Variants in ANKRD30B observed in about 807,000 individuals in gnomAD.
ANKRD30B encodes the protein ankyrin repeat domain-containing protein 30B.
A neutral mutation model predicts 202.2 loss-of-function variants in ANKRD30B; 144 were observed. That is an observed-to-expected ratio of 0.71 (90% CI 0.62 to 0.82). The LOEUF (loss-of-function observed/expected upper bound fraction) is 0.82, where lower values mean the gene tolerates loss of function less well. ANKRD30B is among the 40% of genes least tolerant of loss of function. ANKRD30B has a pLI of 0.00. For missense variants in ANKRD30B, 1,487 were observed against 1,669.1 expected, an observed-to-expected ratio of 0.89 and a Z score of 1.90; for synonymous variants, 508 against 561.3, an observed-to-expected ratio of 0.91 and a Z score of 1.34.
intron 32 of ANKRD30B, among the ~76,000 whole-genome samples, chr18:14,828,008 T>G (rs1428144390): frequency 6.6e-6 from 1 of 152,232 alleles, no homozygotes; most frequent in Non-Finnish European, 1.5e-5. Flanking sequence ...ATCTGAGTCT[T>G]TGTAACAAAG....
chr18:14,829,322 A>G (rs1568055448), intron 33 of ANKRD30B, among the ~76,000 whole-genome samples: 1 of 152,210 alleles, frequency 6.6e-6, no homozygotes, highest in African/African-American at 2.4e-5. Context: ...TAAATATAAG[A>G]GGTAGCAGAA....
chr18:14,792,958 G>A (rs1968625476), intron 16 of ANKRD30B, among the ~76,000 whole-genome samples: 1 of 151,958 alleles, frequency 6.6e-6, no homozygotes, highest in Non-Finnish European at 1.5e-5. Flanking sequence ...GTTATTCATA[G>A]GTATTTTACT....
chr18:14,783,035 G>C (rs1348633480), intron 12 of ANKRD30B, among the ~76,000 whole-genome samples: 6 of 152,016 alleles, frequency 3.9e-5, no homozygotes, highest in Non-Finnish European at 8.8e-5. Context: ...ATGATCTTCT[G>C]GTCCCAAAAC....
intron 4 of ANKRD30B, among the ~76,000 whole-genome samples, chr18:14,755,865 C>T (rs375171819): frequency 1.7e-4 from 26 of 152,182 alleles, no homozygotes; most frequent in South Asian, 4.1e-4. Flanking sequence ...AATAAACATA[C>T]GTGTGCATGT....
chr18:14,809,673 AG>A (rs1969793301), intron 26 of ANKRD30B, among the ~76,000 whole-genome samples: 1 of 150,950 alleles, frequency 6.6e-6, no homozygotes, highest in African/African-American at 2.4e-5. Flanking sequence ...GGCTCTCTGC[AG>A]GGGGAAACAC....
At chr18:14,779,899 T>C (rs1967611271) in intron 10 of ANKRD30B, 61 bp from the exon 11 acceptor site, 2 of 1,191,340 alleles carry the variant, frequency 1.7e-6, no homozygotes, top group Non-Finnish European at 2.4e-6. Flanking sequence ...GATTTGTATA[T>C]GTTTTTAAAA....
In ANKRD30B at chr18:14,748,360, G is replaced by T; in HGVS notation, c.-60G>T. On this transcript the variant is annotated 5_prime_UTR_variant, in exon 1 of 44. Transcript: ENST00000690538. ...GGTAAGCGGGAAGCGAGGGCGAGGGGTAGGGGCTGGGGAAGGGCGAGCGGG... is the reference window on the plus strand; with the variant it reads ...GGTAAGCGGGAAGCGAGGGCGAGGGTTAGGGGCTGGGGAAGGGCGAGCGGG... The T allele has an allele frequency of 1.5e-6, 2 of 1,356,590 alleles. No individual in the cohort carries two copies. The highest frequency in any genetic ancestry group is 1.5e-5 in the African/African-American group (1 of 67,274). The allele number at this position is 1,356,590 out of a possible 1,614,324, so 84.0% of individuals were successfully genotyped here.
chr18:14,845,080 A>T (rs1971577219), intron 39 of ANKRD30B, among the ~76,000 whole-genome samples: 1 of 151,826 alleles, frequency 6.6e-6, no homozygotes, highest in African/African-American at 2.4e-5. Context: ...TGCTGTGCTG[A>T]AGCTCTTTAG....
the ANKRD30B span, among the ~76,000 whole-genome samples, chr18:14,878,128 C>T: frequency 3.3e-5 from 5 of 152,096 alleles, no homozygotes; most frequent in East Asian, 1.9e-4. Context: ...TCATCTTGAC[C>T]GAGATGCTCG....
chr18:14,825,801 G>A (rs1011309657), intron 32 of ANKRD30B, among the ~76,000 whole-genome samples: 5 of 152,152 alleles, frequency 3.3e-5, no homozygotes, highest in Admixed American at 6.5e-5. Context: ...ATTTCCAGTG[G>A]CAATGGAAAG....
chr18:14,930,354 G>A, the ANKRD30B span, among the ~76,000 whole-genome samples: 1 of 151,838 alleles, frequency 6.6e-6, no homozygotes, highest in Non-Finnish European at 1.5e-5. Flanking sequence ...CTGGGAGGAA[G>A]GTGGGTGGTG....
At chr18:14,808,447 C>A (rs772585663) in intron 24 of ANKRD30B, 104 bp from the exon 25 acceptor site, 2 of 1,227,436 alleles carry the variant, frequency 1.6e-6, no homozygotes. Flanking sequence ...AATCCCTTTT[C>A]AATCCAAGCA....
At chr18:14,795,417 GA>G (rs1211731571) in intron 16 of ANKRD30B, among the ~76,000 whole-genome samples, 4 of 152,144 alleles carry the variant, frequency 2.6e-5, no homozygotes, top group African/African-American at 9.7e-5. Flanking sequence ...GGCTGCTTTG[GA>G]ACTCCTGGCC....
chr18:14,905,552 A>C, the ANKRD30B span: 1 of 152,228 alleles, frequency 6.6e-6, no homozygotes, highest in African/African-American at 2.4e-5. Context: ...TATGTAGATG[A>C]AGCCTCTAGG....
the ANKRD30B span, among the ~76,000 whole-genome samples, chr18:14,879,465 C>T: frequency 3.3e-5 from 5 of 152,152 alleles, no homozygotes; most frequent in African/African-American, 4.8e-5. Flanking sequence ...CCGCAATCCC[C>T]TCGCTGCCGT....
At chr18:14,884,492 C>G in the ANKRD30B span, among the ~76,000 whole-genome samples, 1 of 151,870 alleles carries the variant, frequency 6.6e-6, no homozygotes, top group African/African-American at 2.4e-5. Context: ...CAATAGATAA[C>G]TACCACATGG....
chr18:14,894,394 CT>C, the ANKRD30B span, among the ~76,000 whole-genome samples: 1 of 152,096 alleles, frequency 6.6e-6, no homozygotes, highest in Non-Finnish European at 1.5e-5. Context: ...TTAAAAATTA[CT>C]TTTTAGTGTC....
chr18:14,789,643 A>T (rs1968329142), intron 15 of ANKRD30B, among the ~76,000 whole-genome samples: 1 of 152,234 alleles, frequency 6.6e-6, no homozygotes, highest in Non-Finnish European at 1.5e-5. Flanking sequence ...TTTATTAAAT[A>T]GGGAATCCTT....
rs1308694532 is a variant in ANKRD30B, at chr18:14,806,217, C to CA, written c.2285-2322dup. ...CCTGGGTGACAGGGCGAGACACCGC[C>CA]AAAAAAAAAAAAGAAAAAAAAAATC... On this transcript the variant is annotated intron_variant, in intron 24 of 43. Coordinates refer to ENST00000690538, the MANE Select transcript of ANKRD30B (RefSeq NM_001367607.2). 2.4e-3 allele frequency among the ~76,000 whole-genome samples: 209 copies of CA among 85,318 alleles called. 4 individuals are homozygous for CA. The highest frequency in any genetic ancestry group is 0.017 in the Middle Eastern group (3 of 174). The allele number at this position is 85,318 out of a possible 152,430, so 56.0% of individuals were successfully genotyped here.
Sources: allele counts gnomAD v4.1 joint callset (sites outside exome capture counted in the v4.1 genomes callset), GRCh38; gene constraint gnomAD v4.1.1; transcripts MANE v1.5; gene names NCBI Gene and HGNC (gene_info 2026-07-23, HGNC 2026-07-21).